Variants in MAP2K1 observed in about 807,000 individuals in gnomAD.
The protein encoded by MAP2K1 is dual specificity mitogen-activated protein kinase kinase 1.
MAP2K1 carries 16 observed loss-of-function variants against 46.3 expected under a neutral mutation model. The observed-to-expected ratio is 0.35, with a 90% CI of 0.23 to 0.52. The LOEUF is 0.52. Ranked by LOEUF, MAP2K1 falls within the 20% of genes least tolerant of loss-of-function variation. The pLI is 0.94. For synonymous variants in MAP2K1, 183 were observed against 185.6 expected, an observed-to-expected ratio of 0.99 and a Z score of 0.11; for missense variants, 263 against 497.1, an observed-to-expected ratio of 0.53 and a Z score of 4.48.
chr15:66,397,145 C>T (rs193110190), intron 1 of MAP2K1, among the ~76,000 whole-genome samples: 1,868 of 151,930 alleles, frequency 0.012, 27 homozygotes, highest in South Asian at 0.041. Context: ...GCTGGGACTA[C>T]AGGCGCCTGC....
At chr15:66,442,653 T>A (rs910324710) in intron 3 of MAP2K1, among the ~76,000 whole-genome samples, 2 of 152,162 alleles carry the variant, frequency 1.3e-5, no homozygotes, top group African/African-American at 2.4e-5. Context: ...GTGGAGGGAT[T>A]TTCTCTACAC....
At position 66,448,499 on chromosome 15, in the gene MAP2K1, G is replaced by C. The variant is rs114396388; in HGVS notation, c.568+3792G>C. The stretch of plus-strand genomic sequence containing the variant: ...AGCTTGTCCTAGTGGGATTTGTCGG[G>C]AGAAAAGAAATAGAAAATGAAGCAC... On this transcript the variant is annotated intron_variant, in intron 5 of 10. Transcript: ENST00000307102. 2.0e-3 allele frequency among the ~76,000 whole-genome samples: 303 copies of C among 152,264 alleles called. 1 individual carries two copies. The highest frequency in any genetic ancestry group is 6.9e-3 in the African/African-American group (286 of 41,554).
At chr15:66,444,856 G>T in intron 5 of MAP2K1, 149 bp downstream of exon 5, 1 of 708,752 alleles carries the variant, frequency 1.4e-6, no homozygotes, top group Non-Finnish European at 2.5e-6. Context: ...TTAGTTTGGT[G>T]GCTGAGGCAG....
At chr15:66,466,449 C>T (rs943316551) in intron 5 of MAP2K1, among the ~76,000 whole-genome samples, 16 of 152,154 alleles carry the variant, frequency 1.1e-4, no homozygotes, top group South Asian at 2.1e-4. Flanking sequence ...GAGGCTGAGG[C>T]GGGTGGATCA....
chr15:66,471,484 G>A (rs1431218532), intron 5 of MAP2K1, among the ~76,000 whole-genome samples: 3 of 152,114 alleles, frequency 2.0e-5, no homozygotes, highest in Non-Finnish European at 4.4e-5. Flanking sequence ...GATAGAGCTA[G>A]GATTCAAACC....
chr15:66,473,716 C>T (rs1892693432), intron 5 of MAP2K1, among the ~76,000 whole-genome samples: 1 of 152,170 alleles, frequency 6.6e-6, no homozygotes, highest in African/African-American at 2.4e-5. Flanking sequence ...CTCGCTCTGT[C>T]ACCCAGGCTG....
chr15:66,424,791 CTTTTTTTTTTTT>C (rs58738231), intron 1 of MAP2K1, among the ~76,000 whole-genome samples: 1,811 of 82,172 alleles, frequency 0.022, 39 homozygotes, highest in South Asian at 0.095. Flanking sequence ...CAATCTCAAT[CTTTTTTTTTTTT>C]TTTTTTTTTT....
chr15:66,420,892 TACAC>T (rs1567003313), intron 1 of MAP2K1, among the ~76,000 whole-genome samples: 3 of 125,326 alleles, frequency 2.4e-5, no homozygotes, highest in African/African-American at 5.9e-5. Flanking sequence ...TGTGTATATA[TACAC>T]ATACATACAT....
intron 3 of MAP2K1, among the ~76,000 whole-genome samples, chr15:66,438,304 G>A (rs1318612595): frequency 6.6e-6 from 1 of 151,924 alleles, no homozygotes; most frequent in Admixed American, 6.6e-5. Context: ...GGCCAGGCTG[G>A]TCTCGAACTC....
intron 1 of MAP2K1, among the ~76,000 whole-genome samples, chr15:66,396,943 C>A (rs1454094641): frequency 5.3e-5 from 8 of 150,712 alleles, no homozygotes; most frequent in African/African-American, 2.4e-5. Context: ...CCTCGGCCTC[C>A]CAAAGTGCTG....
chr15:66,449,003 C>CAAAAAAAAA (rs59398424), intron 5 of MAP2K1, among the ~76,000 whole-genome samples: 57 of 47,766 alleles, frequency 1.2e-3, no homozygotes, highest in Non-Finnish European at 1.5e-3. Context: ...GACACTGTCT[C>CAAAAAAAAA]AAAAAAAAAA....
intron 5 of MAP2K1, among the ~76,000 whole-genome samples, chr15:66,468,709 G>A (rs560863461): frequency 1.2e-4 from 18 of 152,196 alleles, no homozygotes; most frequent in Non-Finnish European, 2.2e-4. Context: ...GAGGTGGGCG[G>A]ATCACGAGGT....
At chr15:66,393,845 C>T (rs527583851) in intron 1 of MAP2K1, among the ~76,000 whole-genome samples, 3 of 152,312 alleles carry the variant, frequency 2.0e-5, no homozygotes, top group African/African-American at 7.2e-5. Context: ...TTCCTCACTT[C>T]CTTCACCCCT....
chr15:66,394,510 G>T (rs1031208507), intron 1 of MAP2K1, among the ~76,000 whole-genome samples: 2 of 138,086 alleles, frequency 1.4e-5, no homozygotes, highest in Non-Finnish European at 3.3e-5. Flanking sequence ...AGACACTCAG[G>T]CTGGAGTGCA....
intron 1 of MAP2K1, among the ~76,000 whole-genome samples, chr15:66,430,136 G>A (rs2093471602): frequency 1.3e-5 from 2 of 152,042 alleles, no homozygotes; most frequent in Middle Eastern, 3.4e-3. Flanking sequence ...ATTGTATGCA[G>A]CCTTTATCTC....
intron 5 of MAP2K1, among the ~76,000 whole-genome samples, chr15:66,452,293 A>G (rs1224820367): frequency 4.0e-5 from 1 of 24,960 alleles, no homozygotes; most frequent in Non-Finnish European, 9.8e-5. Flanking sequence ...ATAATAAAAA[A>G]AAAAAAAAAA....
chr15:66,423,510 G>A (rs985521251), intron 1 of MAP2K1, among the ~76,000 whole-genome samples: 1 of 149,858 alleles, frequency 6.7e-6, no homozygotes, highest in Non-Finnish European at 1.5e-5. Flanking sequence ...TGCAATCTTG[G>A]TTCACTGCAA....
intron 1 of MAP2K1, among the ~76,000 whole-genome samples, chr15:66,433,808 C>T (rs532616307): frequency 3.9e-5 from 6 of 152,274 alleles, no homozygotes; most frequent in South Asian, 4.1e-4. Flanking sequence ...CTTCACCTCC[C>T]GGGACTTCAA....
intron 3 of MAP2K1, among the ~76,000 whole-genome samples, chr15:66,440,339 G>A (rs1001140108): frequency 6.6e-6 from 1 of 152,204 alleles, no homozygotes; most frequent in African/African-American, 2.4e-5. Flanking sequence ...CAATCTGCCT[G>A]TCTCGGCCTC....
Sources: gnomAD v4.1 joint callset for allele counts (sites outside exome capture counted in the v4.1 genomes callset) on GRCh38, gnomAD v4.1.1 for gene constraint, MANE v1.5 for transcripts, NCBI Gene and HGNC (gene_info 2026-07-23, HGNC 2026-07-21) for gene names.